RNLS: variants seen among roughly 807,000 people sequenced by gnomAD.
The protein encoded by RNLS is renalase.
A neutral mutation model predicts 39.8 loss-of-function variants in RNLS; 39 were observed. The observed-to-expected ratio is 0.98, with a 90% CI of 0.76 to 1.28. The LOEUF is 1.28. RNLS is among the 50% of genes most tolerant of loss of function. The pLI, the probability that RNLS is intolerant of heterozygous loss-of-function variation, is 0.00. For missense variants in RNLS, 410 were observed against 413.3 expected, an observed-to-expected ratio of 0.99 and a Z score of 0.07; for synonymous variants, 147 against 150.7, an observed-to-expected ratio of 0.98 and a Z score of 0.18.
intron 4 of RNLS, among the ~76,000 whole-genome samples, chr10:88,557,548 G>T (rs1460121382): frequency 6.6e-6 from 1 of 152,000 alleles, no homozygotes; most frequent in East Asian, 1.9e-4. Flanking sequence ...AGATACATTT[G>T]TGAAGAAAAA....
chr10:88,353,183 T>C (rs1848863764), intron 5 of RNLS, among the ~76,000 whole-genome samples: 1 of 152,254 alleles, frequency 6.6e-6, no homozygotes, highest in Non-Finnish European at 1.5e-5. Context: ...TGAAGGGTTT[T>C]AATAACTCTA....
chr10:88,333,045 T>C (rs1259296371), intron 5 of RNLS, among the ~76,000 whole-genome samples: 1 of 152,218 alleles, frequency 6.6e-6, no homozygotes, highest in Non-Finnish European at 1.5e-5. Flanking sequence ...CCTGCCTGTA[T>C]GACTTTAGGC....
chr10:88,439,150 A>T (rs1296253060), intron 4 of RNLS, among the ~76,000 whole-genome samples: 1 of 152,172 alleles, frequency 6.6e-6, no homozygotes, highest in Admixed American at 6.5e-5. Flanking sequence ...CCTTAAAAGC[A>T]CAACACTAAA....
At chr10:88,335,334 C>T (rs1847407652) in intron 5 of RNLS, among the ~76,000 whole-genome samples, 1 of 152,080 alleles carries the variant, frequency 6.6e-6, no homozygotes, top group Non-Finnish European at 1.5e-5. Flanking sequence ...CCTCCCACCT[C>T]AGCCTCTCAA....
At chr10:88,263,806 G>GTCTTCT in the RNLS span, among the ~76,000 whole-genome samples, 3 of 152,060 alleles carry the variant, frequency 2.0e-5, no homozygotes, top group Non-Finnish European at 4.4e-5. Flanking sequence ...TAATGGCAAT[G>GTCTTCT]TCTTCTTCTT....
chr10:88,582,398 C>T lies in RNLS; in HGVS notation c.119-91G>A, dbSNP rs946291636. On this transcript the variant is annotated intron_variant, in intron 1 of 6. Transcript: ENST00000331772. ...ACCTTAGGTTACCCCAAACAGATTACTTCAAAAATATCTTAAGAAACTTTT... is the reference window on the plus strand; with the variant it reads ...ACCTTAGGTTACCCCAAACAGATTATTTCAAAAATATCTTAAGAAACTTTT... The T allele has an allele frequency of 1.3e-4, 121 of 953,944 alleles. 1 individual carries two copies. The East Asian group carries it at 3.2e-3, about 25-fold the overall frequency. The allele number at this position is 953,944 out of a possible 1,614,324, so 59.1% of individuals were successfully genotyped here.
At chr10:88,345,413 C>A (rs1188247170) in intron 5 of RNLS, among the ~76,000 whole-genome samples, 1 of 152,122 alleles carries the variant, frequency 6.6e-6, no homozygotes. Context: ...CATCTAACTT[C>A]ATGTTCTCTG....
At chr10:88,288,261 T>A (rs1409770727) in intron 6 of RNLS, among the ~76,000 whole-genome samples, 2 of 152,062 alleles carry the variant, frequency 1.3e-5, no homozygotes, top group Non-Finnish European at 2.9e-5. Context: ...AAGTTGAGGC[T>A]CAGAAAGATT....
intron 4 of RNLS, among the ~76,000 whole-genome samples, chr10:88,376,018 A>G (rs1294008812): frequency 2.0e-5 from 3 of 152,144 alleles, no homozygotes; most frequent in Non-Finnish European, 2.9e-5. Flanking sequence ...CTCACGTAAT[A>G]CAAGTTATCT....
chr10:88,449,307 A>G (rs190470526), intron 4 of RNLS, among the ~76,000 whole-genome samples: 151 of 152,290 alleles, frequency 9.9e-4, no homozygotes, highest in Non-Finnish European at 1.7e-3. Context: ...GCACAATTAA[A>G]TGCTTGTTAT....
At chr10:88,235,040 T>C in the RNLS span, among the ~76,000 whole-genome samples, 1 of 151,648 alleles carries the variant, frequency 6.6e-6, no homozygotes. Context: ...GGCGGGTGGA[T>C]CACAAGGTCA....
intron 3 of RNLS, among the ~76,000 whole-genome samples, chr10:88,577,509 T>C (rs1850282427): frequency 6.6e-6 from 1 of 152,116 alleles, no homozygotes; most frequent in Non-Finnish European, 1.5e-5. Flanking sequence ...CCCTTGAAAA[T>C]TTACTGTGAG....
intron 4 of RNLS, among the ~76,000 whole-genome samples, chr10:88,393,591 C>T (rs576873511): frequency 3.4e-4 from 52 of 152,254 alleles, no homozygotes; most frequent in African/African-American, 1.2e-3. Context: ...TAGGCAGAAT[C>T]AATATCGTGA....
At chr10:88,513,790 G>T (rs1477686350) in intron 4 of RNLS, among the ~76,000 whole-genome samples, 1 of 152,084 alleles carries the variant, frequency 6.6e-6, no homozygotes, top group African/African-American at 2.4e-5. Flanking sequence ...CGTCGAGATT[G>T]TAACAGTTAA....
chr10:88,211,684 T>C, the RNLS span, among the ~76,000 whole-genome samples: 2 of 151,158 alleles, frequency 1.3e-5, no homozygotes, highest in African/African-American at 2.4e-5. Context: ...AAAGGTAGAG[T>C]GGGGTAGAGA....
At chr10:88,233,462 T>C in the RNLS span, among the ~76,000 whole-genome samples, 1 of 152,324 alleles carries the variant, frequency 6.6e-6, no homozygotes, top group Admixed American at 6.5e-5. Flanking sequence ...GGAGCTTTTG[T>C]TGGTGGAAAT....
chr10:88,398,442 T>A (rs1852706124), intron 4 of RNLS, among the ~76,000 whole-genome samples: 1 of 151,986 alleles, frequency 6.6e-6, no homozygotes, highest in African/African-American at 2.4e-5. Flanking sequence ...GGTTAAAAGC[T>A]CTGGATTGGG....
At chr10:88,481,231 AT>A (rs1189112370) in intron 4 of RNLS, among the ~76,000 whole-genome samples, 5 of 152,086 alleles carry the variant, frequency 3.3e-5, no homozygotes, top group African/African-American at 1.2e-4. Flanking sequence ...TGTAGACAGC[AT>A]TTTGGTTAGA....
chr10:88,547,821 T>TTGATTGGCTTGA (rs1848394203), intron 4 of RNLS, among the ~76,000 whole-genome samples: 1 of 152,220 alleles, frequency 6.6e-6, no homozygotes, highest in African/African-American at 2.4e-5. Flanking sequence ...TATAGACATG[T>TTGATTGGCTTGA]TGATTGGCTT....
Sources: allele counts gnomAD v4.1 joint callset (sites outside exome capture counted in the v4.1 genomes callset), GRCh38; gene constraint gnomAD v4.1.1; transcripts MANE v1.5; gene names NCBI Gene and HGNC (gene_info 2026-07-23, HGNC 2026-07-21).